Variants in PRKAG2 observed in about 807,000 individuals in gnomAD.
PRKAG2 encodes the protein 5'-AMP-activated protein kinase subunit gamma-2.
In PRKAG2, 26 loss-of-function variants were observed where a neutral mutation model predicts 69.6. The ratio of observed to expected loss-of-function variants is 0.37; its 90% CI spans 0.27 to 0.52. The LOEUF is 0.52. Among genes scored for constraint, PRKAG2 ranks in the 20% least tolerant of loss-of-function variants. The probability of loss-of-function intolerance (pLI) is 0.90; values close to 1 mark genes in which losing one functional copy is unlikely to be tolerated. For synonymous variants in PRKAG2, 293 were observed against 285.0 expected (o/e 1.03, Z -0.28); for missense variants, 557 against 740.0 (o/e 0.75, Z 2.87).
intron 9 of PRKAG2, 176 bp downstream of exon 9, chr7:151,572,488 A>G: frequency 1.8e-6 from 1 of 548,234 alleles, no homozygotes. Context: ...GACAATACTT[A>G]TATTGTTCAG....
intron 3 of PRKAG2, chr7:151,734,388 C>G (rs12669412): frequency 6.6e-6 from 1 of 152,212 alleles, no homozygotes; most frequent in Non-Finnish European, 1.5e-5. Flanking sequence ...ATACACCCCC[C>G]AGGCTCCTCA....
chr7:151,724,742 G>A (rs192361661), intron 3 of PRKAG2, among the ~76,000 whole-genome samples: 122 of 147,452 alleles, frequency 8.3e-4, no homozygotes, highest in African/African-American at 3.0e-3. Flanking sequence ...CCACAAGTGC[G>A]GCTCTCCGCG....
intron 14 of PRKAG2, 142 bp downstream of exon 14, chr7:151,563,936 G>T: frequency 9.1e-7 from 1 of 1,100,844 alleles, no homozygotes; most frequent in Non-Finnish European, 1.4e-6. Context: ...CAGGTTCTGG[G>T]ACAGGAGGGA....
chr7:151,688,043 C>CCCCA (rs1372606533), intron 3 of PRKAG2, among the ~76,000 whole-genome samples: 1 of 56,544 alleles, frequency 1.8e-5, no homozygotes, highest in Non-Finnish European at 4.5e-5. Flanking sequence ...GGAAATGAGG[C>CCCCA]CCCCCCCCGG....
chr7:151,775,253 C>G (rs1052971292), intron 3 of PRKAG2, among the ~76,000 whole-genome samples: 1 of 152,166 alleles, frequency 6.6e-6, no homozygotes, highest in African/African-American at 2.4e-5. Context: ...GTTTCTCCTG[C>G]GTGATCCTAC....
intron 1 of PRKAG2, among the ~76,000 whole-genome samples, chr7:151,820,753 A>G (rs13309585): frequency 0.62 from 94,596 of 152,110 alleles, 29,584 homozygotes; most frequent in East Asian, 0.73. Flanking sequence ...TCTGGAGATG[A>G]GCGCCACCTT....
rs960647502 is a variant in PRKAG2 at position 151,610,406 on chromosome 7, C to T, written c.755-14952G>A. On this transcript the variant is annotated intron_variant, in intron 5 of 15. Transcript: ENST00000287878. ...CAAACATTTTAGTGTGGGCTGGGCG[C>T]GGTGGCTTACGGCTGTAATCCCAGC... Among the ~76,000 whole-genome samples, 18 of 144,738 alleles carry T rather than the reference C, an allele frequency of 1.2e-4. No individual in the cohort carries two copies. The East Asian group carries it at 2.8e-3, about 23-fold the overall frequency. The allele number at this position is 144,738 out of a possible 152,430, so 95.0% of individuals were successfully genotyped here.
rs892701423 is a variant in PRKAG2, at chr7:151,814,519, A to G, written c.115-27978T>C. 32 of 1,231,030 alleles carry G rather than the reference A, an allele frequency of 2.6e-5. No homozygotes were observed. Among genetic ancestry groups the G allele is most frequent in the Non-Finnish European group, 2.7e-5 (27 of 987,986 alleles). 76.3% of individuals were successfully genotyped at this position (1,231,030 alleles called of 1,614,324 possible). On this transcript the variant is annotated intron_variant, in intron 1 of 15. Transcript: ENST00000287878. The surrounding 1 kb of genome is among the most constrained non-coding windows in gnomAD (Gnocchi z 4.8). ...GATGCGAGTGACGGGGACGGGCGGCACTCCCAGCTCTGACAAATCCTGCTG... is the reference window on the plus strand; with the variant it reads ...GATGCGAGTGACGGGGACGGGCGGCGCTCCCAGCTCTGACAAATCCTGCTG...
At position 151,560,561 on chromosome 7, in the gene PRKAG2, C is replaced by A. The variant is rs764198777; in HGVS notation, c.1641G>T (p.Leu547=). The part of the protein sequence containing the change: ...EADSIVGIIS[L]SDILQALILT... ...GGATCAGGGCTTGCAGAATGTCCGA[C>A]AGGGAAATAATACCCACAATACTAT... Residue 547 remains leucine, a synonymous_variant, in exon 15 of 16, where the codon CTG becomes CTT. Transcript: ENST00000287878. 17 of 1,613,958 alleles carry A rather than the reference C, an allele frequency of 1.1e-5. No individual in the cohort carries two copies. In the African/African-American group the frequency reaches 2.1e-4, roughly 20 times the overall value.
chr7:151,573,897 G>T (rs1808285583), intron 8 of PRKAG2, among the ~76,000 whole-genome samples: 1 of 152,110 alleles, frequency 6.6e-6, no homozygotes, highest in Non-Finnish European at 1.5e-5. Context: ...TTGTGCCTCA[G>T]CCTCCTGAGT....
rs564202854 is a variant in PRKAG2 at position 151,604,961 on chromosome 7, G to A, written c.755-9507C>T. On this transcript the variant is annotated intron_variant, in intron 5 of 15. Transcript: ENST00000287878. ...GTTCCAGGTTTGGGGGAGGATCTAC[G>A]ACATTTTTTAAAAATATAAAGCACT... 3.4e-3 allele frequency among the ~76,000 whole-genome samples: 518 copies of A among 152,150 alleles called. 2 individuals carry two copies. Among genetic ancestry groups the A allele is most frequent in the African/African-American group, 0.012 (491 of 41,514 alleles).
chr7:151,694,416 C>T (rs112442939), intron 3 of PRKAG2, among the ~76,000 whole-genome samples: 69 of 152,304 alleles, frequency 4.5e-4, no homozygotes, highest in African/African-American at 1.6e-3. Context: ...TTTCATAGTA[C>T]AACACTGAAA....
chr7:151,772,681 G>A (rs1029062020), intron 3 of PRKAG2, among the ~76,000 whole-genome samples: 1 of 152,056 alleles, frequency 6.6e-6, no homozygotes, highest in East Asian at 1.9e-4. Flanking sequence ...AGTTCCACAC[G>A]GAAATTATTT....
intron 6 of PRKAG2, among the ~76,000 whole-genome samples, chr7:151,577,803 A>G (rs1809343973): frequency 6.6e-6 from 1 of 152,182 alleles, no homozygotes; most frequent in African/African-American, 2.4e-5. Context: ...TGATGTTTTC[A>G]TAACTATATC....
intron 1 of PRKAG2, among the ~76,000 whole-genome samples, chr7:151,804,438 C>T (rs2078002684): frequency 6.6e-6 from 1 of 152,150 alleles, no homozygotes; most frequent in African/African-American, 2.4e-5. Flanking sequence ...CTCGTGAGAA[C>T]TCACTATCAC....
At chr7:151,595,558 C>G in intron 5 of PRKAG2, 104 bp from the exon 6 acceptor site, 1 of 824,108 alleles carries the variant, frequency 1.2e-6, no homozygotes, top group East Asian at 2.6e-5. Flanking sequence ...TGGTAAAATA[C>G]GAAATGTTTT....
At position 151,685,276 on chromosome 7, in the gene PRKAG2, C is replaced by T. The variant is rs368647794; in HGVS notation, c.467-9639G>A. Among the ~76,000 whole-genome samples the T allele has an allele frequency of 1.3e-4, 20 of 152,302 alleles. 1 individual carries two copies. Among genetic ancestry groups the T allele is most frequent in the African/African-American group, 4.8e-4 (20 of 41,566 alleles). Reference sequence around the variant, plus strand: ...CCACAGCCCCAGCTGCCCAATACTTCTCTGAAAGAAGCCTGTCCTCAGGGC... The same window carrying T: ...CCACAGCCCCAGCTGCCCAATACTTTTCTGAAAGAAGCCTGTCCTCAGGGC... On this transcript the variant is annotated intron_variant, in intron 3 of 15. Coordinates refer to ENST00000287878, the MANE Select transcript of PRKAG2 (RefSeq NM_016203.4).
rs2075087913 is a variant in PRKAG2, at chr7:151,756,399, G to T, written c.466+24753C>A. On this transcript the variant is annotated intron_variant, in intron 3 of 15. Coordinates refer to ENST00000287878, the MANE Select transcript of PRKAG2 (RefSeq NM_016203.4). The surrounding 1 kb of genome is among the most constrained non-coding windows in gnomAD (Gnocchi z 4.9). ...GGAGGGACCCTAGATGGATTTGTGG[G>T]TGCATCTCGGGCACCCCGCTCAGCA... Among the ~76,000 whole-genome samples, 1 of 152,222 alleles carries T rather than the reference G, an allele frequency of 6.6e-6. No individual in the cohort carries two copies. Among genetic ancestry groups the T allele is most frequent in the Admixed American group, 6.5e-5 (1 of 15,288 alleles).
intron 1 of PRKAG2, among the ~76,000 whole-genome samples, chr7:151,787,145 T>A (rs2077049596): frequency 6.6e-6 from 1 of 152,230 alleles, no homozygotes. Context: ...TGCCCAGTCA[T>A]CCTCAAATCG....
Sources: allele counts gnomAD v4.1 joint callset (sites outside exome capture counted in the v4.1 genomes callset), GRCh38; gene constraint gnomAD v4.1.1; non-coding constraint Gnocchi (gnomAD v3.1); transcripts MANE v1.5; gene names NCBI Gene and HGNC (gene_info 2026-07-23, HGNC 2026-07-21).